Variants in LRRC34 observed in about 807,000 individuals in gnomAD.
LRRC34 encodes the protein leucine rich repeat containing 34.
A neutral mutation model predicts 48.5 loss-of-function variants in LRRC34; 44 were observed. The ratio of observed to expected loss-of-function variants is 0.91; its 90% CI spans 0.71 to 1.17. The LOEUF is 1.17. Among genes scored for constraint, LRRC34 ranks in the 50% most tolerant of loss-of-function variants. The pLI, the probability that LRRC34 is intolerant of heterozygous loss-of-function variation, is 0.00. For missense variants in LRRC34, 502 were observed against 563.0 expected (o/e 0.89, Z 1.10); for synonymous variants, 192 against 197.6 (o/e 0.97, Z 0.24).
chr3:169,799,697 GA>G (rs1198112184), intron 7 of LRRC34, among the ~76,000 whole-genome samples: 1 of 144,944 alleles, frequency 6.9e-6, no homozygotes, highest in South Asian at 2.3e-4. Context: ...CACTGACATT[GA>G]TTGATTGATT....
At chr3:169,796,410 G>C (rs1003188387) in intron 8 of LRRC34, 41 bp from the exon 9 acceptor site, 1 of 1,574,798 alleles carries the variant, frequency 6.4e-7, no homozygotes, top group Non-Finnish European at 8.6e-7. Flanking sequence ...ATATGAAATA[G>C]TGTTTTTATT....
intron 9 of LRRC34, chr3:169,795,923 G>A (rs549572772): frequency 8.8e-7 from 1 of 1,135,636 alleles, no homozygotes; most frequent in Non-Finnish European, 1.1e-6. Flanking sequence ...ACTTTTAAAA[G>A]TCTTGATCAT....
rs1372524395 is a variant in LRRC34, at chr3:169,812,656, G to A, written c.-108C>T. On this transcript the variant is annotated 5_prime_UTR_variant, in exon 1 of 11. Coordinates refer to ENST00000446859, the MANE Select transcript of LRRC34 (RefSeq NM_001172779.2). The surrounding 1 kb of genome is among the most constrained non-coding windows in gnomAD (Gnocchi z 4.3). Reference sequence around the variant, plus strand: ...CTGGCTGTGCCTGCCCGGGCCCTGAGGCCTCACTGCTAAGGCAGTGACCGC... The same window carrying A: ...CTGGCTGTGCCTGCCCGGGCCCTGAAGCCTCACTGCTAAGGCAGTGACCGC... The A allele has an allele frequency of 7.3e-6, 10 of 1,376,876 alleles. No individual in the cohort carries two copies. The highest frequency in any genetic ancestry group is 9.4e-6 in the Non-Finnish European group (10 of 1,064,084). 85.3% of individuals were successfully genotyped at this position (1,376,876 alleles called of 1,614,324 possible).
Position 169,795,528 on chromosome 3 carries a change from TGAGA to T in LRRC34, c.1144_1147del (p.Ser382IlefsTer15), listed in dbSNP as rs763685865. On this transcript the variant is annotated frameshift_variant, in exon 10 of 11. Transcript: ENST00000446859. LOFTEE classifies it high-confidence loss of function. Reference sequence around the variant, plus strand: ...AAATTTGTTTCCCCAAATGTAGATATGAGAGAAAGTGAGATTTGTTTTCATTGAT... The same window carrying T: ...AAATTTGTTTCCCCAAATGTAGATATGAAAGTGAGATTTGTTTTCATTGAT... 2.2e-5 allele frequency: 35 copies of T among 1,612,482 alleles called. No homozygotes were observed. In the South Asian group the frequency reaches 2.9e-4, roughly 13 times the overall value.
chr3:169,806,069 G>A (rs1779361568), intron 5 of LRRC34, among the ~76,000 whole-genome samples: 1 of 152,104 alleles, frequency 6.6e-6, no homozygotes, highest in South Asian at 2.1e-4. Context: ...TGTGGTACTG[G>A]CATAAGGATA....
At position 169,804,094 on chromosome 3, in the gene LRRC34, T is replaced by G; in HGVS notation, c.616A>C (p.Asn206His). Residue 206 changes from asparagine to histidine, a missense_variant, in exon 6 of 11, where the codon AAT becomes CAT. Transcript: ENST00000446859. ...AGATCTAATTTCTCTAATGATGAATTAATTTGCAGCATTGCAGCAAAAAAC... is the reference window on the plus strand; with the variant it reads ...AGATCTAATTTCTCTAATGATGAATGAATTTGCAGCATTGCAGCAAAAAAC... The part of the protein sequence containing the change: ...GMFFAAMLQI[N>H]SSLEKLDLGD... 6.2e-7 allele frequency: 1 copy of G among 1,603,168 alleles called. No individual in the cohort carries two copies. The highest frequency in any genetic ancestry group is 8.5e-7 in the Non-Finnish European group (1 of 1,174,318).
At position 169,796,318 on chromosome 3, in the gene LRRC34, G is replaced by T. The variant is rs1393781560; in HGVS notation, c.960C>A (p.Ser320Arg). 6.2e-7 allele frequency: 1 copy of T among 1,611,480 alleles called. No homozygotes were observed. The highest frequency in any genetic ancestry group is 1.1e-5 in the South Asian group (1 of 90,442). Residue 320 changes from serine (S) to arginine (R), a missense_variant, in exon 9 of 11, where the codon AGC (serine) becomes AGA (arginine). Physicochemically the swap from Ser to Arg is moderately radical, Grantham distance 110. Transcript: ENST00000446859. ...GATCTATTACTTCCAGGGTAGTGTTGCTTTTCAGTACATCAGCCAAATACA... is the reference window on the plus strand; with the variant it reads ...GATCTATTACTTCCAGGGTAGTGTTTCTTTTCAGTACATCAGCCAAATACA... ...GMVYLADVLKSNTTLEVIDLS... is the reference protein window; with the variant it reads ...GMVYLADVLKRNTTLEVIDLS...
At chr3:169,795,851 G>C in intron 9 of LRRC34, 1 of 1,181,594 alleles carries the variant, frequency 8.5e-7, no homozygotes, top group Admixed American at 4.2e-5. Flanking sequence ...ATGTTTGGGT[G>C]GATAGCAGAT....
chr3:169,795,990 A>G lies in LRRC34; in HGVS notation c.1064+224T>C, dbSNP rs764761004. On this transcript the variant is annotated intron_variant, in intron 9 of 10. Coordinates refer to ENST00000446859, the MANE Select transcript of LRRC34 (RefSeq NM_001172779.2). ...CAGGATAAGTAATATAAGCAATGCAAATTTTCTCATTAATTTGAAGGAATC... is the reference window on the plus strand; with the variant it reads ...CAGGATAAGTAATATAAGCAATGCAGATTTTCTCATTAATTTGAAGGAATC... 2.6e-4 allele frequency: 319 copies of G among 1,232,506 alleles called. 1 individual carries two copies. The highest frequency in any genetic ancestry group is 3.2e-4 in the Non-Finnish European group (312 of 979,466). The allele number at this position is 1,232,506 out of a possible 1,614,324, so 76.3% of individuals were successfully genotyped here.
intron 7 of LRRC34, among the ~76,000 whole-genome samples, chr3:169,798,454 C>T (rs918524753): frequency 2.6e-5 from 4 of 151,998 alleles, no homozygotes; most frequent in African/African-American, 9.7e-5. Context: ...ACAGTAAAAC[C>T]CGTACATGGA....
intron 7 of LRRC34, among the ~76,000 whole-genome samples, chr3:169,800,020 A>T (rs1779135220): frequency 6.6e-6 from 1 of 152,200 alleles, no homozygotes. Flanking sequence ...GCCAAACATT[A>T]AATTTTAAAC....
At chr3:169,804,440 C>T (rs1779304304) in intron 5 of LRRC34, among the ~76,000 whole-genome samples, 1 of 152,114 alleles carries the variant, frequency 6.6e-6, no homozygotes, top group Non-Finnish European at 1.5e-5. Flanking sequence ...GGACTATAGG[C>T]ACCCACCACC....
intron 5 of LRRC34, among the ~76,000 whole-genome samples, chr3:169,804,922 G>A (rs1218429796): frequency 6.6e-6 from 1 of 152,136 alleles, no homozygotes; most frequent in African/African-American, 2.4e-5. Context: ...CATCCCCGAA[G>A]CCGGTCCTAT....
At chr3:169,803,965 G>A in intron 6 of LRRC34, 88 bp downstream of exon 6, 3 of 1,305,764 alleles carry the variant, frequency 2.3e-6, no homozygotes, top group Admixed American at 2.8e-5. Flanking sequence ...AGACATAAGA[G>A]GCAAAATTAA....
chr3:169,800,638 A>T, intron 7 of LRRC34, 21 bp downstream of exon 7: 1 of 1,412,440 alleles, frequency 7.1e-7, no homozygotes, highest in Non-Finnish European at 9.6e-7. Flanking sequence ...TATATTAACT[A>T]CCATCACTTT....
At chr3:169,811,397 C>G (rs536988293) in intron 1 of LRRC34, among the ~76,000 whole-genome samples, 5 of 152,332 alleles carry the variant, frequency 3.3e-5, no homozygotes, top group Admixed American at 6.5e-5. Flanking sequence ...TTAAAAGTTT[C>G]TGCTACCCTT....
In LRRC34 at chr3:169,796,291, A is replaced by G. The variant is rs148256393; in HGVS notation, c.987T>C (p.Leu329=). 375 of 1,612,326 alleles carry G rather than the reference A, an allele frequency of 2.3e-4. 1 individual carries two copies. In the African/African-American group the frequency reaches 4.3e-3, roughly 18 times the overall value. Residue 329 remains leucine (L), a synonymous_variant, in exon 9 of 11, where the codon CTT becomes CTC. Transcript: ENST00000446859. ...CTGCATTTTCTATTCTGTTAAAGGAAAGATCTATTACTTCCAGGGTAGTGT... is the reference window on the plus strand; with the variant it reads ...CTGCATTTTCTATTCTGTTAAAGGAGAGATCTATTACTTCCAGGGTAGTGT... ...KSNTTLEVID[L]SFNRIENAGA... is the part of the protein sequence containing the mutation.
chr3:169,796,553 T>G (rs1778996107), intron 8 of LRRC34, 184 bp from the exon 9 acceptor site: 2 of 905,562 alleles, frequency 2.2e-6, no homozygotes, highest in Admixed American at 3.3e-5. Flanking sequence ...TTTACACAAC[T>G]AAATTGCTCA....
At chr3:169,807,008 C>T (rs1360028125) in intron 4 of LRRC34, 77 bp from the exon 5 acceptor site, 2 of 757,086 alleles carry the variant, frequency 2.6e-6, no homozygotes, top group Admixed American at 2.3e-5. Context: ...TATACATATA[C>T]ACATACAGTA....
Sources: allele counts gnomAD v4.1 joint callset (sites outside exome capture counted in the v4.1 genomes callset), GRCh38; gene constraint gnomAD v4.1.1; non-coding constraint Gnocchi (gnomAD v3.1); transcripts MANE v1.5; gene names NCBI Gene and HGNC (gene_info 2026-07-23, HGNC 2026-07-21).